LAMB1: variants seen among roughly 807,000 people sequenced by gnomAD.
LAMB1 encodes the protein laminin subunit beta-1.
Under a neutral mutation model 222.3 loss-of-function variants are expected in LAMB1, and 121 were observed. The ratio of observed to expected loss-of-function variants is 0.54; its 90% CI spans 0.47 to 0.63. The LOEUF (loss-of-function observed/expected upper bound fraction) is 0.63. LAMB1 is among the 30% of genes least tolerant of loss of function. LAMB1 has a pLI of 0.00. For synonymous variants in LAMB1, 794 were observed against 807.2 expected (o/e 0.98, Z 0.28); for missense variants, 2,172 against 2,240.8 (o/e 0.97, Z 0.62).
At chr7:107,988,246 T>C (rs769431298) in intron 5 of LAMB1, among the ~76,000 whole-genome samples, 1 of 152,214 alleles carries the variant, frequency 6.6e-6, no homozygotes, top group African/African-American at 2.4e-5. Flanking sequence ...GTGTTGCCAA[T>C]GACGACAACG....
At chr7:107,928,894 C>CCTAT (rs367737929) in intron 31 of LAMB1, among the ~76,000 whole-genome samples, 170 bp downstream of exon 31, 12 of 152,286 alleles carry the variant, frequency 7.9e-5, no homozygotes, top group African/African-American at 2.9e-4. Context: ...TCCTTGAAAA[C>CCTAT]CTATCTCCAC....
At chr7:107,924,724 GAGAAGCCCATATTGAAGA>G (rs1048727113) in intron 32 of LAMB1, among the ~76,000 whole-genome samples, 3 of 152,152 alleles carry the variant, frequency 2.0e-5, no homozygotes, top group Non-Finnish European at 4.4e-5. Context: ...TTAGACATTA[GAGAAGCCCATATTGAAGA>G]AGTGGAGGCT....
rs776853733 is a variant in LAMB1, at chr7:107,960,657, G to A, written c.2110-8C>T. The A allele has an allele frequency of 1.2e-6, 2 of 1,613,500 alleles. No individual in the cohort carries two copies. The highest frequency in any genetic ancestry group is 4.5e-5 in the East Asian group (2 of 44,890). The stretch of plus-strand genomic sequence containing the variant: ...GTATGGCATGAGAACAAGCTGTGAA[G>A]AAATGAGAACGGCCAAACATCCTTA... On this transcript the variant is annotated splice_region_variant and splice_polypyrimidine_tract_variant and intron_variant, in intron 17 of 33. Coordinates refer to ENST00000222399, the MANE Select transcript of LAMB1 (RefSeq NM_002291.3).
rs2033309847 is a variant in LAMB1 at position 107,953,664 on chromosome 7, ATGT to A, written c.2942_2944del (p.Asn981del). On this transcript the variant is annotated inframe_deletion, in exon 22 of 34. Coordinates refer to ENST00000222399, the MANE Select transcript of LAMB1 (RefSeq NM_002291.3). The stretch of plus-strand genomic sequence containing the variant: ...ACAGGCTTCTGGGTCTGTCGTGTCA[ATGT>A]TGTTGTGACACTGGCAAGGCTGACA... 10 of 1,614,088 alleles carry A rather than the reference ATGT, an allele frequency of 6.2e-6. No homozygotes were observed. The East Asian group carries it at 1.3e-4, about 22-fold the overall frequency.
At chr7:107,981,405 G>A (rs926081026) in intron 7 of LAMB1, among the ~76,000 whole-genome samples, 25 of 151,272 alleles carry the variant, frequency 1.7e-4, no homozygotes, top group African/African-American at 6.1e-4. Flanking sequence ...CCGAGATTGT[G>A]CCATTGCACT....
rs1303215591 is a variant in LAMB1 at position 107,998,401 on chromosome 7, G to A, written c.305C>T (p.Thr102Ile). 3 of 1,614,070 alleles carry A rather than the reference G, an allele frequency of 1.9e-6. No individual in the cohort carries two copies. The highest frequency in any genetic ancestry group is 1.1e-5 in the South Asian group (1 of 91,068). ...AATCTTAAGGCGGTTTGGAGCAAAT[G>A]TAGTGACCACATTTTCAATGAGATG... ...DSHLIENVVT[T>I]FAPNRLKIWW... Residue 102 changes from threonine to isoleucine, a missense_variant, in exon 4 of 34, where the codon ACA becomes ATA. Physicochemically the swap from Thr to Ile is moderately conservative, Grantham distance 89. Transcript: ENST00000222399.
chr7:107,987,455 A>G (rs2034100894), intron 5 of LAMB1, among the ~76,000 whole-genome samples: 1 of 152,180 alleles, frequency 6.6e-6, no homozygotes, highest in South Asian at 2.1e-4. Context: ...TGGATATTTT[A>G]CTGCCAAGAA....
intron 5 of LAMB1, among the ~76,000 whole-genome samples, chr7:107,991,666 T>C (rs928577752): frequency 7.2e-5 from 11 of 151,800 alleles, no homozygotes; most frequent in African/African-American, 2.7e-4. Flanking sequence ...ATCCCAGCAC[T>C]TTGTGACGCC....
At chr7:107,957,107 C>T (rs1032329181) in intron 20 of LAMB1, among the ~76,000 whole-genome samples, 16 of 152,038 alleles carry the variant, frequency 1.1e-4, no homozygotes, top group African/African-American at 3.4e-4. Context: ...CTGGATATTC[C>T]GGCCAGGTGC....
At chr7:107,975,602 T>A (rs2033836963) in intron 10 of LAMB1, 87 bp downstream of exon 10, 1 of 1,366,400 alleles carries the variant, frequency 7.3e-7, no homozygotes, top group African/African-American at 1.5e-5. Context: ...TTACTGCTCA[T>A]ACTATGAGCT....
Position 107,980,660 on chromosome 7 carries a change from A to G in LAMB1, c.828T>C (p.His276=), listed in dbSNP as rs1368043841. Residue 276 remains histidine (H), a synonymous_variant, in exon 8 of 34, where the codon CAT becomes CAC. Coordinates refer to ENST00000222399, the MANE Select transcript of LAMB1 (RefSeq NM_002291.3). ...VVRGNCFCYG[H]ASECAPVDGF... is the part of the protein sequence containing the mutation. ...CATCCACAGGGGCACATTCGCTGGC[A>G]TGACCATAGCAGAAGCAATTTCCTC... The G allele has an allele frequency of 1.2e-6, 2 of 1,614,202 alleles. No homozygotes were observed. The highest frequency in any genetic ancestry group is 3.3e-5 in the Admixed American group (2 of 60,030).
chr7:107,933,669 AAAAC>A (rs1264353388), intron 27 of LAMB1, among the ~76,000 whole-genome samples: 1 of 152,188 alleles, frequency 6.6e-6, no homozygotes. Flanking sequence ...AAGTACCTGA[AAAAC>A]AAAAGGACAA....
chr7:107,993,501 A>G (rs1045844535), intron 5 of LAMB1, among the ~76,000 whole-genome samples: 19 of 152,126 alleles, frequency 1.2e-4, no homozygotes, highest in African/African-American at 4.8e-5. Flanking sequence ...GCGCCTACAC[A>G]AGTAAGTTCA....
intron 5 of LAMB1, among the ~76,000 whole-genome samples, chr7:107,990,278 G>A (rs754631398): frequency 6.6e-6 from 1 of 151,984 alleles, no homozygotes; most frequent in African/African-American, 2.4e-5. Flanking sequence ...AAGCTCAAGC[G>A]ATCCCCCCAC....
At chr7:107,963,113 T>A in intron 14 of LAMB1, 50 bp from the exon 15 acceptor site, 1 of 1,474,728 alleles carries the variant, frequency 6.8e-7, no homozygotes, top group Non-Finnish European at 9.2e-7. Flanking sequence ...TGGAATTCAA[T>A]AATTTTCAAT....
At chr7:107,985,749 G>A (rs1341372060) in intron 7 of LAMB1, among the ~76,000 whole-genome samples, 1 of 152,082 alleles carries the variant, frequency 6.6e-6, no homozygotes, top group Non-Finnish European at 1.5e-5. Context: ...CCCGAGGTTG[G>A]GAGTTCAAGA....
At chr7:107,948,276 C>T (rs548896873) in intron 24 of LAMB1, among the ~76,000 whole-genome samples, 3 of 152,252 alleles carry the variant, frequency 2.0e-5, no homozygotes, top group South Asian at 2.1e-4. Context: ...CGTGAACCAC[C>T]GTGCCCGGCT....
At chr7:107,952,565 T>C (rs974874207) in intron 22 of LAMB1, among the ~76,000 whole-genome samples, 6 of 152,238 alleles carry the variant, frequency 3.9e-5, no homozygotes, top group African/African-American at 1.4e-4. Flanking sequence ...AATTGAGATA[T>C]CTAATAATTT....
intron 10 of LAMB1, 38 bp from the exon 11 acceptor site, chr7:107,975,451 G>C: frequency 6.5e-7 from 1 of 1,546,934 alleles, no homozygotes; most frequent in East Asian, 2.3e-5. Context: ...AAATCAGGAG[G>C]AAACTCAATG....
Sources: allele counts gnomAD v4.1 joint callset (sites outside exome capture counted in the v4.1 genomes callset), GRCh38; gene constraint gnomAD v4.1.1; transcripts MANE v1.5; gene names NCBI Gene and HGNC (gene_info 2026-07-23, HGNC 2026-07-21).